Variants in CXCL13 observed in about 807,000 individuals in gnomAD.
CXCL13 encodes C-X-C motif chemokine ligand 13, also known as C-X-C motif chemokine 13.
A neutral mutation model predicts 12.2 loss-of-function variants in CXCL13; 7 were observed. The ratio of observed to expected loss-of-function variants is 0.57; its 90% CI spans 0.33 to 1.07. CXCL13 has a LOEUF of 1.07. Among genes scored for constraint, CXCL13 ranks in the 50% least tolerant of loss-of-function variants. The probability of loss-of-function intolerance (pLI) is 0.04; values close to 1 mark genes in which losing one functional copy is unlikely to be tolerated. For missense variants in CXCL13, 113 were observed against 127.4 expected (o/e 0.89, Z 0.55); for synonymous variants, 47 against 42.4 (o/e 1.11, Z -0.42).
intron 1 of CXCL13, among the ~76,000 whole-genome samples, chr4:77,568,353 C>A (rs1178861192): frequency 2.0e-5 from 3 of 152,216 alleles, no homozygotes; most frequent in Non-Finnish European, 4.4e-5. Flanking sequence ...CCCATAGCAG[C>A]ACACCTGGCC....
chr4:77,610,504 T>G, intron 2 of CXCL13, 110 bp from the exon 3 acceptor site: 1 of 866,154 alleles, frequency 1.2e-6, no homozygotes, highest in Non-Finnish European at 1.8e-6. Flanking sequence ...CCAGCTCCAA[T>G]TTCACTTCAT....
At chr4:77,606,612 T>C (rs966996117) in intron 1 of CXCL13, among the ~76,000 whole-genome samples, 9 of 152,220 alleles carry the variant, frequency 5.9e-5, no homozygotes, top group Admixed American at 2.0e-4. Flanking sequence ...GCTTCACATG[T>C]TATTTTCACT....
intron 1 of CXCL13, among the ~76,000 whole-genome samples, chr4:77,544,419 A>G (rs1725299820): frequency 6.6e-6 from 1 of 152,062 alleles, no homozygotes; most frequent in African/African-American, 2.4e-5. Flanking sequence ...CTGTTTCCTG[A>G]CTTTTTAATG....
chr4:77,606,035 A>G, intron 1 of CXCL13, 106 bp downstream of exon 1: 2 of 626,770 alleles, frequency 3.2e-6, no homozygotes, highest in South Asian at 3.2e-5. Context: ...CTAAAGGGGG[A>G]AAAAACTGCT....
At chr4:77,580,082 T>C (rs1726280865) in intron 1 of CXCL13, among the ~76,000 whole-genome samples, 1 of 152,038 alleles carries the variant, frequency 6.6e-6, no homozygotes, top group African/African-American at 2.4e-5. Context: ...AACTAAGGGC[T>C]CTTGACTTGG....
chr4:77,608,712 G>C (rs1727067732), intron 2 of CXCL13, among the ~76,000 whole-genome samples: 1 of 152,164 alleles, frequency 6.6e-6, no homozygotes, highest in Non-Finnish European at 1.5e-5. Context: ...AAGTGCATAT[G>C]GTAGTTTTTC....
At chr4:77,542,820 G>A (rs1470993380) in intron 1 of CXCL13, among the ~76,000 whole-genome samples, 1 of 152,104 alleles carries the variant, frequency 6.6e-6, no homozygotes, top group African/African-American at 2.4e-5. Flanking sequence ...TTGGCCTATA[G>A]TTTTCTTTCT....
intron 1 of CXCL13, among the ~76,000 whole-genome samples, chr4:77,591,508 G>A (rs1352934957): frequency 2.3e-5 from 3 of 131,712 alleles, no homozygotes; most frequent in East Asian, 2.3e-4. Flanking sequence ...CCAAGATCAC[G>A]CCACTGCACT....
Position 77,611,181 on chromosome 4 carries a change from GA to G in CXCL13, c.*144del. On this transcript the variant is annotated 3_prime_UTR_variant, in exon 4 of 4. Coordinates refer to ENST00000682537, the MANE Select transcript of CXCL13 (RefSeq NM_001371558.1). ...GAGACTATGTAAAAATAACCTTGCA[GA>G]AGCTGATGGGGCAAACTCAAGCTTC... 1.5e-6 allele frequency: 1 copy of G among 686,036 alleles called. No individual in the cohort carries two copies. The highest frequency in any genetic ancestry group is 2.5e-6 in the Non-Finnish European group (1 of 406,496). The allele number at this position is 686,036 out of a possible 1,614,324, so 42.5% of individuals were successfully genotyped here.
At chr4:77,588,200 C>A (rs772567463) in intron 1 of CXCL13, among the ~76,000 whole-genome samples, 5 of 152,180 alleles carry the variant, frequency 3.3e-5, no homozygotes, top group African/African-American at 4.8e-5. Context: ...GGAGGGCCAT[C>A]CCCCCGTTCT....
At chr4:77,610,540 A>G in intron 2 of CXCL13, 74 bp from the exon 3 acceptor site, 1 of 1,190,518 alleles carries the variant, frequency 8.4e-7, no homozygotes, top group Non-Finnish European at 1.2e-6. Context: ...TTCATACCAA[A>G]CTCTTTTCTT....
intron 1 of CXCL13, among the ~76,000 whole-genome samples, chr4:77,560,552 G>C (rs751753485): frequency 1.3e-5 from 2 of 152,194 alleles, no homozygotes; most frequent in Non-Finnish European, 2.9e-5. Context: ...AGACTCAGCT[G>C]TCCTCCCAGG....
chr4:77,525,828 G>A (rs1341598165), intron 1 of CXCL13, among the ~76,000 whole-genome samples: 1 of 151,830 alleles, frequency 6.6e-6, no homozygotes, highest in Admixed American at 6.6e-5. Context: ...CCATGATGGT[G>A]TGAATTCCAT....
intron 1 of CXCL13, among the ~76,000 whole-genome samples, chr4:77,522,178 T>C (rs923425416): frequency 6.6e-6 from 1 of 152,262 alleles, no homozygotes; most frequent in Admixed American, 6.5e-5. Flanking sequence ...GAGAAGAAAG[T>C]GTTTTCTGTT....
intron 1 of CXCL13, among the ~76,000 whole-genome samples, chr4:77,578,759 C>G (rs1482533981): frequency 6.6e-6 from 1 of 152,142 alleles, no homozygotes; most frequent in Non-Finnish European, 1.5e-5. Flanking sequence ...TGACAAGAAC[C>G]CAGTTTTAGC....
At chr4:77,559,199 T>C (rs1214089199) in intron 1 of CXCL13, among the ~76,000 whole-genome samples, 1 of 152,134 alleles carries the variant, frequency 6.6e-6, no homozygotes, top group African/African-American at 2.4e-5. Flanking sequence ...AAGACTATCA[T>C]ATAGAAGGTT....
intron 1 of CXCL13, among the ~76,000 whole-genome samples, chr4:77,527,103 CGAA>C (rs997056828): frequency 6.6e-6 from 1 of 152,008 alleles, no homozygotes; most frequent in Non-Finnish European, 1.5e-5. Context: ...GACATTTCAC[CGAA>C]GAAGACCTAC....
At chr4:77,559,151 G>T (rs1032189401) in intron 1 of CXCL13, among the ~76,000 whole-genome samples, 1 of 152,138 alleles carries the variant, frequency 6.6e-6, no homozygotes, top group African/African-American at 2.4e-5. Context: ...AGTACCTTCT[G>T]CCACAGATTG....
chr4:77,597,570 T>G (rs1726792907), intron 1 of CXCL13, among the ~76,000 whole-genome samples: 2 of 152,148 alleles, frequency 1.3e-5, no homozygotes, highest in African/African-American at 4.8e-5. Context: ...TTTTAAGAGC[T>G]AAAGTAAAAA....
Sources: gnomAD v4.1 joint callset for allele counts (sites outside exome capture counted in the v4.1 genomes callset) on GRCh38, gnomAD v4.1.1 for gene constraint, MANE v1.5 for transcripts, NCBI Gene and HGNC (gene_info 2026-07-23, HGNC 2026-07-21) for gene names.